RALGPS1: variants seen among roughly 807,000 people sequenced by gnomAD.
The protein encoded by RALGPS1 is ras-specific guanine nucleotide-releasing factor RalGPS1.
RALGPS1 carries 19 observed loss-of-function variants against 78.8 expected under a neutral mutation model. That is an observed-to-expected ratio of 0.24 (90% CI 0.17 to 0.35). The LOEUF is 0.35. Ranked by LOEUF, RALGPS1 falls within the 10% of genes least tolerant of loss-of-function variation. The pLI, the probability that RALGPS1 is intolerant of heterozygous loss-of-function variation, is 1.00. For synonymous variants in RALGPS1, 228 were observed against 256.3 expected, an observed-to-expected ratio of 0.89 and a Z score of 1.06; for missense variants, 454 against 688.3, an observed-to-expected ratio of 0.66 and a Z score of 3.81.
At chr9:127,041,069 G>GTGTGTGTGTGTGTGTGTGT (rs2047269101) in intron 5 of RALGPS1, among the ~76,000 whole-genome samples, 1 of 149,712 alleles carries the variant, frequency 6.7e-6, no homozygotes, top group Non-Finnish European at 1.5e-5. Flanking sequence ...GTGTGTGTAT[G>GTGTGTGTGTGTGTGTGTGT]TACTAAAGTT....
chr9:127,170,065 A>G (rs1315968928), intron 10 of RALGPS1, among the ~76,000 whole-genome samples: 2 of 152,142 alleles, frequency 1.3e-5, no homozygotes, highest in Non-Finnish European at 2.9e-5. Flanking sequence ...TTATTCCAGT[A>G]TATTTTTTAT....
At chr9:126,971,697 A>G (rs1033051954) in intron 3 of RALGPS1, among the ~76,000 whole-genome samples, 1 of 152,206 alleles carries the variant, frequency 6.6e-6, no homozygotes, top group Non-Finnish European at 1.5e-5. Flanking sequence ...AATGAACATA[A>G]TGAGAGAACC....
intron 8 of RALGPS1, among the ~76,000 whole-genome samples, chr9:127,101,233 G>GT (rs2053692906): frequency 6.6e-6 from 1 of 152,216 alleles, no homozygotes. Context: ...TTTGCACACC[G>GT]TTTCATTTCA....
chr9:126,989,393 G>T (rs2042084383), intron 4 of RALGPS1, among the ~76,000 whole-genome samples: 1 of 152,200 alleles, frequency 6.6e-6, no homozygotes, highest in Non-Finnish European at 1.5e-5. Flanking sequence ...ACAGGTAAGG[G>T]AGCATCATGG....
intron 8 of RALGPS1, among the ~76,000 whole-genome samples, chr9:127,080,282 AT>A (rs756943367): frequency 6.6e-6 from 1 of 152,240 alleles, no homozygotes; most frequent in African/African-American, 2.4e-5. Flanking sequence ...CCAGAAAGGC[AT>A]TTGGTGCCCA....
rs181547001 is a variant in RALGPS1, at chr9:127,039,925, A to T, written c.300+5411A>T. Among the ~76,000 whole-genome samples, 3 of 152,214 alleles carry T rather than the reference A, an allele frequency of 2.0e-5. No homozygotes were observed. The East Asian group carries it at 5.8e-4, about 29-fold the overall frequency. On this transcript the variant is annotated intron_variant, in intron 5 of 18. Transcript: ENST00000259351. ...TGATGGTGGCCCAGATGAAATAGAG[A>T]TTGTGATTTTCTAAGTGGCCCCAGT...
chr9:127,000,370 C>T (rs2043177262), intron 4 of RALGPS1, among the ~76,000 whole-genome samples: 1 of 151,958 alleles, frequency 6.6e-6, no homozygotes, highest in Admixed American at 6.6e-5. Context: ...GCTTTGCTCC[C>T]ACGCGTTTTG....
intron 8 of RALGPS1, among the ~76,000 whole-genome samples, chr9:127,162,290 G>C (rs534898444): frequency 2.6e-5 from 4 of 152,350 alleles, no homozygotes; most frequent in Admixed American, 6.5e-5. Context: ...ACAAGTGTCT[G>C]TGTGCGGTTG....
At chr9:126,981,094 T>C (rs1259681618) in intron 4 of RALGPS1, among the ~76,000 whole-genome samples, 1 of 152,146 alleles carries the variant, frequency 6.6e-6, no homozygotes, top group East Asian at 1.9e-4. Flanking sequence ...ACTCTGTGCT[T>C]ATTAATGAGG....
chr9:127,090,278 A>G (rs1183859029), intron 8 of RALGPS1, among the ~76,000 whole-genome samples: 1 of 152,166 alleles, frequency 6.6e-6, no homozygotes, highest in East Asian at 1.9e-4. Context: ...CATAGAATAC[A>G]CTTTCCGCTC....
chr9:127,055,466 C>T (rs535236763), intron 7 of RALGPS1, among the ~76,000 whole-genome samples: 1 of 152,356 alleles, frequency 6.6e-6, no homozygotes, highest in African/African-American at 2.4e-5. Flanking sequence ...AGTCCTCCTG[C>T]TTCAGCCTCC....
intron 11 of RALGPS1, among the ~76,000 whole-genome samples, chr9:127,176,501 G>A (rs1365535899): frequency 6.6e-6 from 1 of 152,218 alleles, no homozygotes; most frequent in Non-Finnish European, 1.5e-5. Flanking sequence ...GCAAAGACTA[G>A]CCTATTGCAT....
intron 8 of RALGPS1, among the ~76,000 whole-genome samples, chr9:127,082,924 G>A (rs1210669510): frequency 6.6e-6 from 1 of 152,130 alleles, no homozygotes; most frequent in Admixed American, 6.5e-5. Context: ...CCCAGGAAGG[G>A]CAGCGTACCC....
chr9:127,213,491 C>G (rs886508285), intron 17 of RALGPS1, among the ~76,000 whole-genome samples: 3 of 152,218 alleles, frequency 2.0e-5, no homozygotes, highest in African/African-American at 7.2e-5. Context: ...CTTCCCAAAG[C>G]TCCAGCCTTC....
intron 17 of RALGPS1, chr9:127,213,824 G>A (rs2062422144): frequency 1.3e-5 from 2 of 152,198 alleles, no homozygotes; most frequent in Non-Finnish European, 2.9e-5. Context: ...AACAGATCTG[G>A]GGGTAGAGAC....
At chr9:127,174,888 T>C in intron 11 of RALGPS1, 106 bp downstream of exon 11, 1 of 957,574 alleles carries the variant, frequency 1.0e-6, no homozygotes, top group Non-Finnish European at 1.7e-6. Context: ...GTTTGCAGCT[T>C]AGCAGACTCA....
intron 8 of RALGPS1, among the ~76,000 whole-genome samples, chr9:127,081,699 C>G (rs998315169): frequency 7.2e-5 from 11 of 152,250 alleles, no homozygotes; most frequent in African/African-American, 2.4e-4. Context: ...CTTTCCTCCT[C>G]CAAGGAGCCC....
At chr9:127,198,106 G>A (rs752370143) in intron 13 of RALGPS1, among the ~76,000 whole-genome samples, 2 of 152,240 alleles carry the variant, frequency 1.3e-5, no homozygotes, top group Non-Finnish European at 2.9e-5. Context: ...TCATAAGGTT[G>A]TTTGGTTCCC....
intron 9 of RALGPS1, among the ~76,000 whole-genome samples, chr9:127,166,842 T>C (rs1218096781): frequency 6.6e-6 from 1 of 151,752 alleles, no homozygotes; most frequent in Non-Finnish European, 1.5e-5. Context: ...GTAAGAGGGA[T>C]GGAGAAAATC....
Sources: gnomAD v4.1 joint callset for allele counts (sites outside exome capture counted in the v4.1 genomes callset) on GRCh38, gnomAD v4.1.1 for gene constraint, MANE v1.5 for transcripts, NCBI Gene and HGNC (gene_info 2026-07-23, HGNC 2026-07-21) for gene names.